Variants in CPNE4 observed in about 807,000 individuals in gnomAD.
The protein encoded by CPNE4 is copine-4.
A neutral mutation model predicts 67.9 loss-of-function variants in CPNE4; 25 were observed. That is an observed-to-expected ratio of 0.37 (90% confidence interval 0.27 to 0.51). The LOEUF is 0.51. CPNE4 is among the 20% of genes least tolerant of loss of function. The probability of loss-of-function intolerance (pLI) is 0.93; values close to 1 mark genes in which losing one functional copy is unlikely to be tolerated. For synonymous variants in CPNE4, 242 were observed against 244.9 expected, an observed-to-expected ratio of 0.99 and a Z score of 0.11; for missense variants, 464 against 690.8, an observed-to-expected ratio of 0.67 and a Z score of 3.68.
At chr3:132,031,179 T>C (rs2074226279) in intron 1 of CPNE4, among the ~76,000 whole-genome samples, 1 of 152,244 alleles carries the variant, frequency 6.6e-6, no homozygotes, top group Admixed American at 6.5e-5. Flanking sequence ...TCAGTTTTAA[T>C]GCACCAAAGA....
In CPNE4 at chr3:131,533,620, A is replaced by AT. The variant is rs1934993831; in HGVS notation, c.*1574dup. ...AAACAATATAGCTTAAATATTTATG[A>AT]TTTTTTCAGTCATACAATTTTACCA... On this transcript the variant is annotated 3_prime_UTR_variant, in exon 16 of 16. Transcript: ENST00000429747. 1 of 152,102 alleles carries AT rather than the reference A, an allele frequency of 6.6e-6. No homozygotes were observed. The highest frequency in any genetic ancestry group is 6.5e-5 in the Admixed American group (1 of 15,268). 9.4% of individuals were successfully genotyped at this position (152,102 alleles called of 1,614,324 possible). A position where few individuals can be genotyped will look rare whatever the true frequency, so the allele number is the denominator to read the frequency against.
chr3:131,870,147 C>A (rs980051377), intron 2 of CPNE4, among the ~76,000 whole-genome samples: 2 of 152,106 alleles, frequency 1.3e-5, no homozygotes, highest in African/African-American at 2.4e-5. Flanking sequence ...TTTCCAGGAG[C>A]CTCTTAGTGG....
At chr3:131,957,455 T>C (rs2072011667) in intron 1 of CPNE4, among the ~76,000 whole-genome samples, 1 of 152,182 alleles carries the variant, frequency 6.6e-6, no homozygotes, top group Non-Finnish European at 1.5e-5. Context: ...GCTATCAGCA[T>C]TGTTATCAAA....
chr3:131,548,582 T>C (rs1185330422), intron 14 of CPNE4, among the ~76,000 whole-genome samples: 2 of 152,098 alleles, frequency 1.3e-5, no homozygotes, highest in African/African-American at 4.8e-5. Context: ...ATGGATCATA[T>C]GGAGGTTTGG....
intron 1 of CPNE4, among the ~76,000 whole-genome samples, chr3:131,984,168 T>C (rs1367778034): frequency 6.6e-6 from 1 of 152,186 alleles, no homozygotes; most frequent in African/African-American, 2.4e-5. Context: ...TTTTTACTCC[T>C]TTAAGAGGCC....
intron 2 of CPNE4, among the ~76,000 whole-genome samples, chr3:131,887,377 T>C (rs1337954812): frequency 6.6e-6 from 1 of 152,186 alleles, no homozygotes; most frequent in African/African-American, 2.4e-5. Flanking sequence ...CTTTTGTAAA[T>C]TGCCCAGTCT....
chr3:131,562,025 T>A (rs919682253), intron 11 of CPNE4, among the ~76,000 whole-genome samples: 1 of 152,088 alleles, frequency 6.6e-6, no homozygotes, highest in African/African-American at 2.4e-5. Context: ...CACTGAGCTG[T>A]AGAAATTTGA....
chr3:131,682,925 GACC>G (rs1254296701), intron 6 of CPNE4, among the ~76,000 whole-genome samples: 2 of 151,884 alleles, frequency 1.3e-5, no homozygotes, highest in African/African-American at 4.8e-5. Flanking sequence ...ACCACCCTAG[GACC>G]ACAGCAAGTA....
chr3:131,553,918 T>C (rs888228602), intron 12 of CPNE4, among the ~76,000 whole-genome samples: 1 of 152,098 alleles, frequency 6.6e-6, no homozygotes, highest in Admixed American at 6.6e-5. Context: ...AGATGCCTAT[T>C]GAAACAAGAA....
At chr3:131,960,291 A>C (rs1475329623) in intron 1 of CPNE4, among the ~76,000 whole-genome samples, 2 of 152,214 alleles carry the variant, frequency 1.3e-5, no homozygotes, top group Non-Finnish European at 2.9e-5. Flanking sequence ...AGTTAATTTC[A>C]AACAGTTTGA....
At chr3:131,734,694 T>C (rs2082197464) in intron 2 of CPNE4, among the ~76,000 whole-genome samples, 1 of 152,082 alleles carries the variant, frequency 6.6e-6, no homozygotes, top group African/African-American at 2.4e-5. Flanking sequence ...AAGACCAGCC[T>C]GGACAAATAG....
rs1444857802 is a variant in CPNE4, at chr3:131,887,360, C to T, written c.180+17904G>A. ...ACGTGGAACTGTAAGTCCAATTAAA[C>T]CTCTTTCTTTTGTAAATTGCCCAGT... On this transcript the variant is annotated intron_variant, in intron 2 of 15. Coordinates refer to ENST00000429747, the MANE Select transcript of CPNE4 (RefSeq NM_130808.3). Among the ~76,000 whole-genome samples, 9 of 152,192 alleles carry T rather than the reference C, an allele frequency of 5.9e-5. No homozygotes were observed. In the East Asian group the frequency reaches 1.7e-3, roughly 29 times the overall value.
chr3:131,691,374 T>TA lies in CPNE4; in HGVS notation c.507+5167dup, dbSNP rs1022222842. 1.4e-4 allele frequency among the ~76,000 whole-genome samples: 22 copies of TA among 152,198 alleles called. No homozygotes were observed. In the South Asian group the frequency reaches 4.1e-3, roughly 29 times the overall value. ...TATACCATAGAATACTACACAGCCA[T>TA]AAAAAAATAATGTTTTCTGTAACAC... On this transcript the variant is annotated intron_variant, in intron 5 of 15. Transcript: ENST00000429747.
intron 7 of CPNE4, among the ~76,000 whole-genome samples, chr3:131,638,104 A>G (rs908909019): frequency 1.3e-5 from 2 of 152,068 alleles, no homozygotes; most frequent in Non-Finnish European, 2.9e-5. Flanking sequence ...TTCTCACAGG[A>G]CCTATATAGC....
At chr3:131,751,377 G>T (rs1313849437) in intron 2 of CPNE4, among the ~76,000 whole-genome samples, 2 of 151,412 alleles carry the variant, frequency 1.3e-5, no homozygotes, top group Admixed American at 6.6e-5. Context: ...TATTTCTATT[G>T]TTCTATCTTC....
intron 3 of CPNE4, among the ~76,000 whole-genome samples, chr3:131,713,369 C>T (rs891728583): frequency 5.3e-5 from 8 of 151,976 alleles, no homozygotes; most frequent in East Asian, 3.9e-4. Context: ...TATGACTGAA[C>T]GACATCTATG....
chr3:131,863,077 A>G (rs1388174739), intron 2 of CPNE4, among the ~76,000 whole-genome samples: 2 of 152,088 alleles, frequency 1.3e-5, no homozygotes. Context: ...CATGGTGTAT[A>G]TGTGCCACAT....
At chr3:131,976,740 A>G (rs2072665177) in intron 1 of CPNE4, among the ~76,000 whole-genome samples, 1 of 152,208 alleles carries the variant, frequency 6.6e-6, no homozygotes. Context: ...AACAGTTAAC[A>G]CTAAAAACAC....
intron 1 of CPNE4, among the ~76,000 whole-genome samples, chr3:132,017,071 G>T (rs1456866313): frequency 6.6e-6 from 1 of 152,126 alleles, no homozygotes; most frequent in Non-Finnish European, 1.5e-5. Flanking sequence ...GGTAATGCAG[G>T]ACAAAAATGT....
Sources: allele counts gnomAD v4.1 joint callset (sites outside exome capture counted in the v4.1 genomes callset), GRCh38; gene constraint gnomAD v4.1.1; transcripts MANE v1.5; gene names NCBI Gene and HGNC (gene_info 2026-07-23, HGNC 2026-07-21).